CLINT1: variants seen among roughly 807,000 people sequenced by gnomAD.
The protein encoded by CLINT1 is clathrin interacting protein localized in the trans-Golgi region.
In CLINT1, 15 loss-of-function variants were observed where a neutral mutation model predicts 70.4. The ratio of observed to expected loss-of-function variants is 0.21; its 90% CI spans 0.14 to 0.33. CLINT1 has a LOEUF of 0.33. Ranked by LOEUF, CLINT1 falls within the 10% of genes least tolerant of loss-of-function variation. The pLI is 1.00. For synonymous variants in CLINT1, 227 were observed against 254.7 expected (o/e 0.89, Z 1.04); for missense variants, 615 against 778.1 (o/e 0.79, Z 2.49).
chr5:157,816,610 A>G, intron 3 of CLINT1, 124 bp downstream of exon 3: 1 of 606,364 alleles, frequency 1.6e-6, no homozygotes. Flanking sequence ...TACTTCTTTC[A>G]TGTGCTTTCG....
chr5:157,795,859 G>A (rs528749249), intron 8 of CLINT1: 5 of 152,132 alleles, frequency 3.3e-5, no homozygotes, highest in South Asian at 2.1e-4. Context: ...GTGAGACTTC[G>A]TCTCTACAAA....
rs958216942 is a variant in CLINT1 at position 157,787,421 on chromosome 5, C to T, written c.*225G>A. On this transcript the variant is annotated 3_prime_UTR_variant, in exon 12 of 12. Transcript: ENST00000411809. ...TCTCACCACCCACTTGTGGTCTATC[C>T]TCACTGGAAAAAAATGATTTTGACT... 2 of 572,602 alleles carry T rather than the reference C, an allele frequency of 3.5e-6. No homozygotes were observed. Among genetic ancestry groups the T allele is most frequent in the Admixed American group, 3.1e-5 (1 of 32,180 alleles). 35.5% of individuals were successfully genotyped at this position (572,602 alleles called of 1,614,324 possible). A position where few individuals can be genotyped will look rare whatever the true frequency, so the allele number is the denominator to read the frequency against.
intron 5 of CLINT1, among the ~76,000 whole-genome samples, chr5:157,812,023 T>TAAAAAAA (rs370230447): frequency 0.12 from 18,472 of 150,328 alleles, 1,424 homozygotes; most frequent in African/African-American, 0.22. Flanking sequence ...TAGCCCTATT[T>TAAAAAAA]AAAAAAAAGA....
chr5:157,814,552 T>C (rs1275356503), intron 3 of CLINT1, among the ~76,000 whole-genome samples: 1 of 152,216 alleles, frequency 6.6e-6, no homozygotes, highest in Non-Finnish European at 1.5e-5. Flanking sequence ...ATAACACTGA[T>C]GTTCAAAATA....
At chr5:157,823,733 TA>T in intron 1 of CLINT1, 2 of 814,670 alleles carry the variant, frequency 2.5e-6, no homozygotes, top group Non-Finnish European at 3.0e-6. Flanking sequence ...TTTTTTAACA[TA>T]AAACACCCAT....
At chr5:157,827,936 GATT>G (rs1763090778) in intron 1 of CLINT1, among the ~76,000 whole-genome samples, 4 of 152,148 alleles carry the variant, frequency 2.6e-5, no homozygotes, top group South Asian at 4.1e-4. Context: ...ATTTTTTAGA[GATT>G]ATTAGGGCCT....
chr5:157,834,497 T>C (rs1225540383), intron 1 of CLINT1, among the ~76,000 whole-genome samples: 5 of 152,354 alleles, frequency 3.3e-5, no homozygotes, highest in East Asian at 1.9e-4. Flanking sequence ...AAAGTCCTAA[T>C]TGAACTGGTA....
In CLINT1 at chr5:157,787,900, T is replaced by C. The variant is rs1761777146; in HGVS notation, c.1624A>G (p.Asn542Asp). ...SNMLPVRPQTNALIGGPMPMS... is the reference protein window; with the variant it reads ...SNMLPVRPQTDALIGGPMPMS... ...GGCATGGGTCCCCCTATCAAAGCAT[T>C]AGTTTGGGGCCGGACAGGAAGCATG... Residue 542 changes from asparagine (N) to aspartate (D), a missense_variant, in exon 12 of 12, where the codon AAT (asparagine) becomes GAT (aspartate). Coordinates refer to ENST00000411809, the MANE Select transcript of CLINT1 (RefSeq NM_014666.4). 1 of 1,613,708 alleles carries C rather than the reference T, an allele frequency of 6.2e-7. No individual in the cohort carries two copies. The highest frequency in any genetic ancestry group is 8.5e-7 in the Non-Finnish European group (1 of 1,179,774).
chr5:157,807,254 A>G (rs1159574323), intron 6 of CLINT1, among the ~76,000 whole-genome samples: 2 of 152,112 alleles, frequency 1.3e-5, no homozygotes, highest in African/African-American at 4.8e-5. Flanking sequence ...TTTTATATAT[A>G]AACATTTTAA....
chr5:157,792,002 C>A lies in CLINT1; in HGVS notation c.1088-7G>T, dbSNP rs746292956. 2 of 1,609,740 alleles carry A rather than the reference C, an allele frequency of 1.2e-6. No homozygotes were observed. The highest frequency in any genetic ancestry group is 4.5e-5 in the East Asian group (2 of 44,860). Reference sequence around the variant, plus strand: ...TTCCCACTTGTTGCTGTTACTAAGACAGAAATAACTCTAAGGGTAAGAAAC... The same window carrying A: ...TTCCCACTTGTTGCTGTTACTAAGAAAGAAATAACTCTAAGGGTAAGAAAC... On this transcript the variant is annotated splice_polypyrimidine_tract_variant and splice_region_variant and intron_variant, in intron 9 of 11. Transcript: ENST00000411809.
chr5:157,809,545 C>T, intron 6 of CLINT1, 83 bp downstream of exon 6: 1 of 1,063,552 alleles, frequency 9.4e-7, no homozygotes, highest in Non-Finnish European at 1.3e-6. Context: ...ATACCCCAAA[C>T]AAAACCAACA....
intron 1 of CLINT1, among the ~76,000 whole-genome samples, chr5:157,824,571 A>G (rs1047020784): frequency 1.3e-5 from 2 of 152,248 alleles, no homozygotes; most frequent in African/African-American, 4.8e-5. Context: ...AAGCGACAAC[A>G]TAGCGCAGTA....
chr5:157,854,626 A>G (rs1193396493), intron 1 of CLINT1, among the ~76,000 whole-genome samples: 1 of 152,228 alleles, frequency 6.6e-6, no homozygotes, highest in Non-Finnish European at 1.5e-5. Flanking sequence ...TTCTTTATAA[A>G]AGCAAAAGTT....
At chr5:157,802,718 G>T (rs1365080617) in intron 8 of CLINT1, among the ~76,000 whole-genome samples, 1 of 151,932 alleles carries the variant, frequency 6.6e-6, no homozygotes, top group Non-Finnish European at 1.5e-5. Flanking sequence ...GCTAATTTTT[G>T]TATTTTCAGT....
At chr5:157,854,392 T>C (rs755504237) in intron 1 of CLINT1, among the ~76,000 whole-genome samples, 7 of 152,156 alleles carry the variant, frequency 4.6e-5, no homozygotes, top group Non-Finnish European at 1.5e-5. Flanking sequence ...AAGACTAGCC[T>C]GGGCAACATA....
chr5:157,798,992 CTAAAACCCAG>C (rs1488428129), intron 8 of CLINT1, among the ~76,000 whole-genome samples: 1 of 151,988 alleles, frequency 6.6e-6, no homozygotes, highest in East Asian at 1.9e-4. Context: ...AAATAAATGA[CTAAAACCCAG>C]AAAAACCCAA....
intron 1 of CLINT1, among the ~76,000 whole-genome samples, chr5:157,825,140 A>G (rs1420668559): frequency 6.6e-6 from 1 of 152,176 alleles, no homozygotes; most frequent in Non-Finnish European, 1.5e-5. Context: ...TGCAATAACA[A>G]GATTTCGGAA....
At chr5:157,790,372 G>A (rs1761864765) in intron 10 of CLINT1, 5 of 265,644 alleles carry the variant, frequency 1.9e-5, no homozygotes, top group South Asian at 1.6e-4. Flanking sequence ...ATTAATATAT[G>A]GAACAATGTA....
rs146267708 is a variant in CLINT1 at position 157,857,347 on chromosome 5, G to A, written c.41+1583C>T. Among the ~76,000 whole-genome samples the A allele has an allele frequency of 2.8e-3, 431 of 151,896 alleles. 2 individuals are homozygous for A. Among genetic ancestry groups the A allele is most frequent in the African/African-American group, 9.9e-3 (412 of 41,432 alleles). On this transcript the variant is annotated intron_variant, in intron 1 of 11. Coordinates refer to ENST00000411809, the MANE Select transcript of CLINT1 (RefSeq NM_014666.4). ...TGCCAATGAACCTAGATCTGGAAAA[G>A]ATCTAGTTTATTTCATCTTCGGTAA...
Sources: allele counts gnomAD v4.1 joint callset (sites outside exome capture counted in the v4.1 genomes callset), GRCh38; gene constraint gnomAD v4.1.1; transcripts MANE v1.5; gene names NCBI Gene and HGNC (gene_info 2026-07-23, HGNC 2026-07-21).